Variants in MCF2L2 observed in about 807,000 individuals in gnomAD.
MCF2L2 encodes the protein probable guanine nucleotide exchange factor MCF2L2.
Under a neutral mutation model 150.2 loss-of-function variants are expected in MCF2L2, and 102 were observed. That is an observed-to-expected ratio of 0.68 (90% CI 0.58 to 0.80). The LOEUF (loss-of-function observed/expected upper bound fraction) is 0.80. MCF2L2 is among the 30% of genes least tolerant of loss of function. The probability of loss-of-function intolerance (pLI) is 0.00; values close to 1 mark genes in which losing one functional copy is unlikely to be tolerated. For missense variants in MCF2L2, 1,256 were observed against 1,372.8 expected, an observed-to-expected ratio of 0.91 and a Z score of 1.34; for synonymous variants, 465 against 491.3, an observed-to-expected ratio of 0.95 and a Z score of 0.71.
intron 3 of MCF2L2, chr3:183,372,413 G>T (rs1301439903): frequency 6.6e-6 from 1 of 150,466 alleles, no homozygotes; most frequent in Non-Finnish European, 1.5e-5. Flanking sequence ...TGAGGAAAAT[G>T]AATGTAGAAA....
chr3:183,413,526 T>A (rs565212645), intron 1 of MCF2L2, among the ~76,000 whole-genome samples: 1 of 152,266 alleles, frequency 6.6e-6, no homozygotes, highest in South Asian at 2.1e-4. Flanking sequence ...TAACTGTTTG[T>A]CCAGGCAGTT....
rs545531448 is a variant in MCF2L2 at position 183,307,823 on chromosome 3, C to T, written c.1113+1893G>A. Reference sequence around the variant, plus strand: ...TCAGGGTGCAACAGGACTACCTGGCCTCTGCTCATCTCTGTTCACTCATTT... The same window carrying T: ...TCAGGGTGCAACAGGACTACCTGGCTTCTGCTCATCTCTGTTCACTCATTT... On this transcript the variant is annotated intron_variant, in intron 10 of 29. Transcript: ENST00000328913. Among the ~76,000 whole-genome samples the T allele has an allele frequency of 7.2e-5, 11 of 152,356 alleles. No individual in the cohort carries two copies. In the South Asian group the frequency reaches 8.3e-4, roughly 11 times the overall value.
At position 183,179,732 on chromosome 3, in the gene MCF2L2, T is replaced by C; in HGVS notation, c.3106-40A>G. 3 of 1,563,758 alleles carry C rather than the reference T, an allele frequency of 1.9e-6. No homozygotes were observed. The highest frequency in any genetic ancestry group is 2.6e-6 in the Non-Finnish European group (3 of 1,136,578). On this transcript the variant is annotated intron_variant, in intron 28 of 29. Transcript: ENST00000328913. The surrounding 1 kb of genome is among the most constrained non-coding windows in gnomAD (Gnocchi z 4.2). ...ACGGGTGCACCCTCAGAGTTATTGC[T>C]GGAGGCTGTGGCCAGACCGGGCAAG...
Position 183,300,145 on chromosome 3 carries a change from G to A in MCF2L2, c.1165C>T (p.Gln389Ter), listed in dbSNP as rs1476072395. The A allele has an allele frequency of 2.5e-6, 4 of 1,613,530 alleles. No individual in the cohort carries two copies. The South Asian group carries it at 3.3e-5, about 13-fold the overall frequency. Reference protein sequence around the residue: ...LLALVGDQLIQSHHYAADAIR... With the variant: ...LLALVGDQLI ...GCATCTGCTGCATAATGGTGGCTTTGGATGAGCTGGTCCCCAACCAGTGCC... is the reference window on the plus strand; with the variant it reads ...GCATCTGCTGCATAATGGTGGCTTTAGATGAGCTGGTCCCCAACCAGTGCC... Residue 389 changes from glutamine to a stop codon, truncating the protein, a stop_gained, in exon 11 of 30, where the codon CAA becomes TAA. Transcript: ENST00000328913. LOFTEE classifies it high-confidence loss of function.
At chr3:183,225,597 C>T (rs1426748143) in intron 18 of MCF2L2, 2 of 152,258 alleles carry the variant, frequency 1.3e-5, no homozygotes, top group African/African-American at 4.8e-5. Context: ...GGTCCAGGTT[C>T]AGTTCTTGGC....
chr3:183,239,554 C>G (rs922072082), intron 15 of MCF2L2, among the ~76,000 whole-genome samples: 1 of 152,136 alleles, frequency 6.6e-6, no homozygotes, highest in African/African-American at 2.4e-5. Flanking sequence ...CTCTGCTCCC[C>G]CTTTGAACTA....
chr3:183,363,551 G>A (rs948496779), intron 3 of MCF2L2, among the ~76,000 whole-genome samples: 6 of 150,572 alleles, frequency 4.0e-5, no homozygotes, highest in African/African-American at 9.8e-5. Context: ...TGAGACCAGC[G>A]TGGGCAACAT....
chr3:183,355,756 G>C (rs1220439388), intron 3 of MCF2L2, among the ~76,000 whole-genome samples: 1 of 150,898 alleles, frequency 6.6e-6, no homozygotes, highest in Non-Finnish European at 1.5e-5. Flanking sequence ...GTGAGCCACC[G>C]CACCCGGCCA....
At chr3:183,233,849 T>G (rs1039934773) in intron 15 of MCF2L2, among the ~76,000 whole-genome samples, 2 of 152,218 alleles carry the variant, frequency 1.3e-5, no homozygotes, top group African/African-American at 4.8e-5. Context: ...AAACCCTATT[T>G]GATAGATATA....
intron 27 of MCF2L2, among the ~76,000 whole-genome samples, chr3:183,183,331 A>G (rs1721593474): frequency 6.6e-6 from 1 of 152,170 alleles, no homozygotes; most frequent in Non-Finnish European, 1.5e-5. Flanking sequence ...CATCATCTGC[A>G]TATTTAATCC....
At chr3:183,246,204 A>G (rs1724245897) in intron 15 of MCF2L2, among the ~76,000 whole-genome samples, 1 of 152,168 alleles carries the variant, frequency 6.6e-6, no homozygotes, top group Non-Finnish European at 1.5e-5. Flanking sequence ...TATGCATAAA[A>G]TTTACTATTT....
intron 14 of MCF2L2, among the ~76,000 whole-genome samples, chr3:183,281,519 T>C (rs906399216): frequency 6.6e-6 from 1 of 152,186 alleles, no homozygotes; most frequent in Non-Finnish European, 1.5e-5. Context: ...TCCATTTTCA[T>C]TGGCCGCAAA....
intron 23 of MCF2L2, 56 bp downstream of exon 23, chr3:183,207,552 C>T: frequency 3.7e-6 from 5 of 1,357,136 alleles, no homozygotes; most frequent in South Asian, 1.2e-5. Flanking sequence ...ATAAGGAAAA[C>T]GATCTCTCTC....
chr3:183,253,287 C>T (rs1029627823), intron 15 of MCF2L2: 14 of 152,062 alleles, frequency 9.2e-5, no homozygotes, highest in Non-Finnish European at 1.9e-4. Flanking sequence ...GAAGCGAGCC[C>T]AGTCCAGCGC....
intron 15 of MCF2L2, among the ~76,000 whole-genome samples, chr3:183,243,003 A>G (rs953212654): frequency 6.6e-6 from 1 of 152,226 alleles, no homozygotes; most frequent in African/African-American, 2.4e-5. Context: ...TCAGACTCGC[A>G]TAAGGCTGAT....
At chr3:183,310,563 T>C in intron 9 of MCF2L2, 2 of 290,456 alleles carry the variant, frequency 6.9e-6, no homozygotes, top group Non-Finnish European at 1.4e-5. Flanking sequence ...CTTGGGAGGC[T>C]GAGGTGGGAG....
chr3:183,400,383 C>A (rs193252503), intron 1 of MCF2L2: 1 of 456,244 alleles, frequency 2.2e-6, no homozygotes. Context: ...CCTGATGCAA[C>A]TTCCTACTAA....
At chr3:183,358,742 T>A (rs1711943302) in intron 3 of MCF2L2, among the ~76,000 whole-genome samples, 1 of 152,096 alleles carries the variant, frequency 6.6e-6, no homozygotes, top group Non-Finnish European at 1.5e-5. Flanking sequence ...CACCTCAGCC[T>A]CTCGAGTAGC....
intron 10 of MCF2L2, among the ~76,000 whole-genome samples, chr3:183,307,152 C>G (rs573022275): frequency 2.0e-5 from 3 of 152,370 alleles, no homozygotes; most frequent in Middle Eastern, 6.8e-3. Flanking sequence ...AATAAGGAAG[C>G]TGGCAACACC....
Sources: gnomAD v4.1 joint callset for allele counts (sites outside exome capture counted in the v4.1 genomes callset) on GRCh38, gnomAD v4.1.1 for gene constraint, Gnocchi (gnomAD v3.1) non-coding constraint, MANE v1.5 for transcripts, NCBI Gene and HGNC (gene_info 2026-07-23, HGNC 2026-07-21) for gene names.